The following PEX14 variants were observed in gnomAD, a reference collection of about 807,000 sequenced individuals.
PEX14 encodes peroxisomal membrane protein PEX14.
A neutral mutation model predicts 49.5 loss-of-function variants in PEX14; 15 were observed. The observed-to-expected ratio is 0.30, with a 90% CI of 0.20 to 0.47. PEX14 has a LOEUF of 0.47. Among genes scored for constraint, PEX14 ranks in the 20% least tolerant of loss-of-function variants. The pLI is 1.00. For synonymous variants in PEX14, 210 were observed against 212.7 expected (o/e 0.99, Z 0.11); for missense variants, 398 against 494.8 (o/e 0.80, Z 1.86).
At position 10,494,418 on chromosome 1, in the gene PEX14, ATCATAGC is replaced by A. The variant is rs1641521555; in HGVS notation, c.37-852_37-846del. 6.6e-6 allele frequency among the ~76,000 whole-genome samples: 1 copy of A among 152,214 alleles called. No individual in the cohort carries two copies. ...CCTGACCATCAGTCACAGTAAACTAATCATAGCTCACTTAGCAGCATACCTGCTTACT... is the reference window on the plus strand; with the variant it reads ...CCTGACCATCAGTCACAGTAAACTAATCACTTAGCAGCATACCTGCTTACT... On this transcript the variant is annotated intron_variant, in intron 1 of 8. Transcript: ENST00000356607. The surrounding 1 kb of genome is among the most constrained non-coding windows in gnomAD (Gnocchi z 4.3).
At position 10,514,412 on chromosome 1, in the gene PEX14, G is replaced by A. The variant is rs759026956; in HGVS notation, c.84+19091G>A. 9.9e-5 allele frequency among the ~76,000 whole-genome samples: 15 copies of A among 152,188 alleles called. No homozygotes were observed. The highest frequency in any genetic ancestry group is 3.1e-4 in the African/African-American group (13 of 41,434). On this transcript the variant is annotated intron_variant, in intron 2 of 8. Coordinates refer to ENST00000356607, the MANE Select transcript of PEX14 (RefSeq NM_004565.3). The surrounding 1 kb of genome is among the most constrained non-coding windows in gnomAD (Gnocchi z 4.4). ...GTGCTATACTGTGTTGTTTGTGCACGTGTGTAACAATATACAGTGTTTGTT... is the reference window on the plus strand; with the variant it reads ...GTGCTATACTGTGTTGTTTGTGCACATGTGTAACAATATACAGTGTTTGTT...
At chr1:10,527,678 G>T (rs552047814) in intron 2 of PEX14, among the ~76,000 whole-genome samples, 5 of 149,920 alleles carry the variant, frequency 3.3e-5, no homozygotes, top group South Asian at 4.2e-4. Flanking sequence ...TTATTTTTTT[G>T]TTTGTTTGTT....
chr1:10,561,448 CATT>C (rs1639651405), intron 3 of PEX14, among the ~76,000 whole-genome samples: 1 of 152,296 alleles, frequency 6.6e-6, no homozygotes, highest in Admixed American at 6.5e-5. Context: ...GCATTTGTCT[CATT>C]GTTTCCTCTT....
intron 2 of PEX14, among the ~76,000 whole-genome samples, chr1:10,505,646 A>G (rs971323904): frequency 2.7e-5 from 4 of 149,900 alleles, no homozygotes; most frequent in Non-Finnish European, 4.4e-5. Flanking sequence ...CAGAGTGCCA[A>G]GATTACAGGT....
chr1:10,496,557 CTT>C (rs964249169), intron 2 of PEX14, among the ~76,000 whole-genome samples: 24 of 152,274 alleles, frequency 1.6e-4, no homozygotes, highest in African/African-American at 5.5e-4. Flanking sequence ...CTTCCTCTCT[CTT>C]TTCAAATTTT....
intron 3 of PEX14, among the ~76,000 whole-genome samples, chr1:10,543,080 T>C (rs1331880779): frequency 6.6e-6 from 1 of 152,252 alleles, no homozygotes; most frequent in Admixed American, 6.5e-5. Context: ...GGTTAACACT[T>C]AGCACAGATT....
At position 10,577,577 on chromosome 1, in the gene PEX14, T is replaced by G. The variant is rs1404762475; in HGVS notation, c.170-21661T>G. Among the ~76,000 whole-genome samples the G allele has an allele frequency of 3.2e-3, 37 of 11,526 alleles. 1 individual carries two copies. The highest frequency in any genetic ancestry group is 0.012 in the African/African-American group (35 of 2,948). The allele number at this position is 11,526 out of a possible 152,430, so 7.6% of individuals were successfully genotyped here. A position where few individuals can be genotyped will look rare whatever the true frequency, so the allele number is the denominator to read the frequency against. On this transcript the variant is annotated intron_variant, in intron 3 of 8. Transcript: ENST00000356607. ...ATATATATATATTTTTTTTTTTTTT[T>G]TTTTTTTTTTTTTTTTTTTTTTTTT...
chr1:10,486,054 G>C (rs570113057), intron 1 of PEX14, among the ~76,000 whole-genome samples: 1 of 151,950 alleles, frequency 6.6e-6, no homozygotes, highest in South Asian at 2.1e-4. Context: ...CACCGTGCCC[G>C]GCCTCTAGTA....
At position 10,553,395 on chromosome 1, in the gene PEX14, C is replaced by T. The variant is rs139734362; in HGVS notation, c.169+17098C>T. ...GAGGGAGGTGCGGGGGACCCTGTCA[C>T]GTGGTTAGTGGTTGGCCAGAGGCGG... is the stretch of plus-strand genomic sequence containing the variant. On this transcript the variant is annotated intron_variant, in intron 3 of 8. Transcript: ENST00000356607. 3.5e-4 allele frequency among the ~76,000 whole-genome samples: 53 copies of T among 152,236 alleles called. 1 individual carries two copies. Among genetic ancestry groups the T allele is most frequent in the Middle Eastern group, 6.8e-3 (2 of 294 alleles).
At chr1:10,548,550 C>G (rs948023412) in intron 3 of PEX14, among the ~76,000 whole-genome samples, 1 of 152,124 alleles carries the variant, frequency 6.6e-6, no homozygotes, top group Non-Finnish European at 1.5e-5. Context: ...GAGCTGATGT[C>G]TTTTAAAAAT....
intron 3 of PEX14, among the ~76,000 whole-genome samples, chr1:10,578,364 C>T (rs528942479): frequency 6.6e-6 from 1 of 152,188 alleles, no homozygotes; most frequent in Non-Finnish European, 1.5e-5. Flanking sequence ...AATACTACTC[C>T]CCAGGGCTAT....
chr1:10,598,622 A>G (rs934081452), intron 3 of PEX14, among the ~76,000 whole-genome samples: 7 of 152,218 alleles, frequency 4.6e-5, no homozygotes, highest in African/African-American at 1.7e-4. Flanking sequence ...GATAGGCTAG[A>G]ATAATAATCA....
rs999914037 is a variant in PEX14 at position 10,494,884 on chromosome 1, C to T, written c.37-390C>T. On this transcript the variant is annotated intron_variant, in intron 1 of 8. Coordinates refer to ENST00000356607, the MANE Select transcript of PEX14 (RefSeq NM_004565.3). The surrounding 1 kb of genome is among the most constrained non-coding windows in gnomAD (Gnocchi z 4.3). ...GCGACTTTTCTTCCCAGTCCCCTGA[C>T]GTTGGGGAGGTGGCAGAAAGAGGAG... Among the ~76,000 whole-genome samples, 1 of 152,188 alleles carries T rather than the reference C, an allele frequency of 6.6e-6. No homozygotes were observed. The highest frequency in any genetic ancestry group is 6.5e-5 in the Admixed American group (1 of 15,280).
chr1:10,624,371 C>G lies in PEX14; in HGVS notation c.519C>G (p.Val173=). The change falls in exon 7 of 9, where the codon GTC becomes GTG. Residue 173 remains valine (V), a synonymous_variant. Coordinates refer to ENST00000356607, the MANE Select transcript of PEX14 (RefSeq NM_004565.3). ...AGTTACAGACGACCCTCGCCTCCGT[C>G]CAGGAGCTGCTGATTCAGCAGCAGC... is the stretch of plus-strand genomic sequence containing the variant. ...VTQLQTTLAS[V]QELLIQQQQK... The G allele has an allele frequency of 3.1e-6, 5 of 1,613,482 alleles. No homozygotes were observed. The highest frequency in any genetic ancestry group is 3.4e-6 in the Non-Finnish European group (4 of 1,179,766).
intron 2 of PEX14, among the ~76,000 whole-genome samples, chr1:10,511,709 C>T (rs1641886790): frequency 6.6e-6 from 1 of 152,020 alleles, no homozygotes; most frequent in South Asian, 2.1e-4. Flanking sequence ...CCTCTGAATT[C>T]CATGGACTGT....
rs1641901954 is a variant in PEX14 at position 10,630,716 on chromosome 1, G to A, written c.*729G>A. 6.6e-6 allele frequency: 1 copy of A among 152,190 alleles called. No homozygotes were observed. Among genetic ancestry groups the A allele is most frequent in the African/African-American group, 2.4e-5 (1 of 41,422 alleles). 9.4% of individuals were successfully genotyped at this position (152,190 alleles called of 1,614,324 possible). On this transcript the variant is annotated 3_prime_UTR_variant, in exon 9 of 9. Coordinates refer to ENST00000356607, the MANE Select transcript of PEX14 (RefSeq NM_004565.3). This position sits in a 1 kb window ranked among gnomAD's most constrained non-coding sequence, Gnocchi z 4.1. ...TGTATAGACCTCAGAACGGAAGATA[G>A]GACTGTATATAATTGTAATAAATAC...
chr1:10,587,920 T>TTTTAAA (rs1453146872), intron 3 of PEX14, among the ~76,000 whole-genome samples: 1 of 64,064 alleles, frequency 1.6e-5, no homozygotes, highest in African/African-American at 6.7e-5. Context: ...TTTTTTTTTT[T>TTTTAAA]AAAAAAAAAA....
rs537248982 is a variant in PEX14 at position 10,616,252 on chromosome 1, C to T, written c.299-2080C>T. ...TGGATCCGCCTGGTGGGGCTGCGTG[C>T]CAGCAGCCCCTTCCCCCTCATGCCA... On this transcript the variant is annotated intron_variant, in intron 4 of 8. Transcript: ENST00000356607. 1.4e-3 allele frequency among the ~76,000 whole-genome samples: 207 copies of T among 152,222 alleles called. 5 individuals are homozygous for T. In the South Asian group the frequency reaches 0.037, roughly 27 times the overall value.
chr1:10,606,943 C>T (rs1025894875), intron 4 of PEX14, among the ~76,000 whole-genome samples: 4 of 152,148 alleles, frequency 2.6e-5, no homozygotes, highest in African/African-American at 9.7e-5. Flanking sequence ...GATAAGTGTA[C>T]ATTTCCATAT....
Sources: gnomAD v4.1 joint callset for allele counts (sites outside exome capture counted in the v4.1 genomes callset) on GRCh38, gnomAD v4.1.1 for gene constraint, Gnocchi (gnomAD v3.1) non-coding constraint, MANE v1.5 for transcripts, NCBI Gene and HGNC (gene_info 2026-07-23, HGNC 2026-07-21) for gene names.